Variants in CLDN14 observed in about 807,000 individuals in gnomAD.
The protein encoded by CLDN14 is claudin-14.
A neutral mutation model predicts 2.1 loss-of-function variants in CLDN14; 2 were observed. The observed-to-expected ratio is 0.96, with a 90% CI of 0.39 to 3.01. CLDN14 has a LOEUF of 3.01. Among genes scored for constraint, CLDN14 ranks in the 30% most tolerant of loss-of-function variants. CLDN14 has a pLI of 0.09. For missense variants in CLDN14, 298 were observed against 328.0 expected (o/e 0.91, Z 0.71); for synonymous variants, 136 against 154.4 (o/e 0.88, Z 0.88).
intron 2 of CLDN14, among the ~76,000 whole-genome samples, chr21:36,485,501 G>T (rs1021172275): frequency 1.3e-5 from 2 of 152,222 alleles, no homozygotes; most frequent in Non-Finnish European, 2.9e-5. Flanking sequence ...GAGCCACTGT[G>T]CCTGGCCAAG....
In CLDN14 at chr21:36,544,952, G is replaced by A. The variant is rs1418193613; in HGVS notation, c.-220+31459C>T. Among the ~76,000 whole-genome samples, 2 of 152,236 alleles carry A rather than the reference G, an allele frequency of 1.3e-5. No homozygotes were observed. Among genetic ancestry groups the A allele is most frequent in the Non-Finnish European group, 2.9e-5 (2 of 68,040 alleles). On this transcript the variant is annotated intron_variant, in intron 1 of 2. Coordinates refer to the CLDN14 transcript ENST00000342108. The surrounding 1 kb of genome is among the most constrained non-coding windows in gnomAD (Gnocchi z 4.1). ...TTGAAGTTTGCTTGCAGGAGGGATT[G>A]TAAGTATCAGGCCAGTGCCCTAGCA...
chr21:36,484,035 G>T (rs547285545), upstream of CLDN14, among the ~76,000 whole-genome samples: 19 of 152,198 alleles, frequency 1.2e-4, no homozygotes, highest in Non-Finnish European at 1.9e-4. Flanking sequence ...CACTGAGGAG[G>T]ATGCAGGACT....
intron 1 of CLDN14, among the ~76,000 whole-genome samples, chr21:36,463,374 A>G (rs1001432846): frequency 8.5e-5 from 13 of 152,222 alleles, no homozygotes; most frequent in African/African-American, 3.1e-4. Context: ...CAGGCAGGAA[A>G]AGCGGGTCTG....
upstream of CLDN14, among the ~76,000 whole-genome samples, chr21:36,481,763 A>T (rs561267852): frequency 1.9e-3 from 286 of 152,350 alleles, no homozygotes; most frequent in Non-Finnish European, 3.5e-3. Flanking sequence ...TGGATAAAAC[A>T]GTGTTTCCTG....
intron 2 of CLDN14, among the ~76,000 whole-genome samples, chr21:36,491,217 TCC>T: frequency 1.3e-5 from 2 of 152,236 alleles, no homozygotes; most frequent in East Asian, 1.9e-4. Flanking sequence ...GGAACTAGGA[TCC>T]CCAGATATCC....
intron 1 of CLDN14, among the ~76,000 whole-genome samples, chr21:36,533,585 T>C (rs2087399197): frequency 6.6e-6 from 1 of 151,916 alleles, no homozygotes. Context: ...TTAGAGAAAA[T>C]GAGCAAACAG....
intron 1 of CLDN14, among the ~76,000 whole-genome samples, chr21:36,527,386 C>T (rs2087341475): frequency 6.6e-6 from 1 of 152,176 alleles, no homozygotes; most frequent in South Asian, 2.1e-4. Context: ...CCTTGTGTAG[C>T]TGCGTCCAGA....
intron 1 of CLDN14, among the ~76,000 whole-genome samples, chr21:36,462,338 G>A (rs184320207): frequency 4.9e-5 from 7 of 142,508 alleles, no homozygotes; most frequent in East Asian, 1.9e-4. Flanking sequence ...AGCTGATGCC[G>A]GGGCAGGAAT....
chr21:36,508,588 A>G (rs1317929300), intron 2 of CLDN14, among the ~76,000 whole-genome samples: 1 of 152,150 alleles, frequency 6.6e-6, no homozygotes, highest in African/African-American at 2.4e-5. Flanking sequence ...TAGTGGGCAG[A>G]GGGCAAGCAA....
chr21:36,509,816 G>C (rs549390385), intron 2 of CLDN14, among the ~76,000 whole-genome samples: 1 of 152,024 alleles, frequency 6.6e-6, no homozygotes, highest in Non-Finnish European at 1.5e-5. Context: ...GGCTAGTCTC[G>C]AACTCCTGAC....
chr21:36,531,369 C>T (rs925524075), intron 1 of CLDN14, among the ~76,000 whole-genome samples: 3 of 151,478 alleles, frequency 2.0e-5, no homozygotes, highest in East Asian at 3.9e-4. Context: ...CCTGAAGCCT[C>T]CACCTCCTGG....
intron 1 of CLDN14, among the ~76,000 whole-genome samples, chr21:36,557,035 C>T (rs147696686): frequency 6.6e-6 from 1 of 152,302 alleles, no homozygotes; most frequent in African/African-American, 2.4e-5. Flanking sequence ...TAGGTGGGCT[C>T]AAACAGTATT....
At chr21:36,566,658 C>T (rs1378751096) in intron 1 of CLDN14, among the ~76,000 whole-genome samples, 2 of 152,196 alleles carry the variant, frequency 1.3e-5, no homozygotes, top group Non-Finnish European at 2.9e-5. Flanking sequence ...TGGCTTGATC[C>T]CTTCCAAATG....
At chr21:36,518,034 A>G (rs2087241187) in intron 1 of CLDN14, among the ~76,000 whole-genome samples, 1 of 151,766 alleles carries the variant, frequency 6.6e-6, no homozygotes, top group African/African-American at 2.4e-5. Flanking sequence ...CCACAATTAC[A>G]TGTCAATTCC....
chr21:36,540,303 C>A (rs186136821), intron 1 of CLDN14, among the ~76,000 whole-genome samples: 1 of 152,246 alleles, frequency 6.6e-6, no homozygotes, highest in Admixed American at 6.5e-5. Context: ...ACGTATAATA[C>A]CCAACACAAT....
intron 1 of CLDN14, among the ~76,000 whole-genome samples, chr21:36,573,929 A>T (rs1417388748): frequency 6.6e-6 from 1 of 152,192 alleles, no homozygotes; most frequent in African/African-American, 2.4e-5. Flanking sequence ...TAAATAAATA[A>T]AGGGATATAC....
Position 36,572,569 on chromosome 21 carries a change from T to C in CLDN14, c.-220+3842A>G, listed in dbSNP as rs575774089. 1.8e-4 allele frequency among the ~76,000 whole-genome samples: 28 copies of C among 152,336 alleles called. No homozygotes were observed. In the South Asian group the frequency reaches 5.8e-3, roughly 32 times the overall value. On this transcript the variant is annotated intron_variant, in intron 1 of 2. Transcript: ENST00000342108. The stretch of plus-strand genomic sequence containing the variant: ...CCATTACATGGTAATAAATGGAAGT[T>C]GGCATCATTTCTTATCAGTCTAAGA...
chr21:36,475,790 C>G (rs539193340), intron 1 of CLDN14, among the ~76,000 whole-genome samples: 1 of 151,928 alleles, frequency 6.6e-6, no homozygotes, highest in East Asian at 1.9e-4. Flanking sequence ...TGCTCTGTCA[C>G]CCAGGCTGGA....
intron 2 of CLDN14, among the ~76,000 whole-genome samples, chr21:36,505,785 C>T (rs1217467773): frequency 6.6e-6 from 1 of 152,196 alleles, no homozygotes; most frequent in Non-Finnish European, 1.5e-5. Flanking sequence ...ACAGAGAGGT[C>T]CATTGTTAAC....
Sources: allele counts gnomAD v4.1 joint callset (sites outside exome capture counted in the v4.1 genomes callset), GRCh38; gene constraint gnomAD v4.1.1; non-coding constraint Gnocchi (gnomAD v3.1); transcripts MANE v1.5; gene names NCBI Gene and HGNC (gene_info 2026-07-23, HGNC 2026-07-21).